CTNNA3: variants seen among roughly 807,000 people sequenced by gnomAD.
CTNNA3 encodes catenin alpha 3, also known as catenin alpha-3.
A neutral mutation model predicts 95.7 loss-of-function variants in CTNNA3; 76 were observed. The observed-to-expected ratio is 0.79, with a 90% CI of 0.66 to 0.96. The LOEUF is 0.96. Among genes scored for constraint, CTNNA3 ranks in the 40% least tolerant of loss-of-function variants. CTNNA3 has a pLI of 0.00. For synonymous variants in CTNNA3, 431 were observed against 374.4 expected (o/e 1.15, Z -1.74); for missense variants, 1,191 against 1,089.8 (o/e 1.09, Z -1.31).
chr10:66,488,807 C>CA (rs1163609146), intron 11 of CTNNA3, among the ~76,000 whole-genome samples: 1 of 150,802 alleles, frequency 6.6e-6, no homozygotes, highest in Non-Finnish European at 1.5e-5. Context: ...CATGCCTCTC[C>CA]AAAAAAGCCT....
At chr10:67,201,505 G>A (rs1370557353) in intron 6 of CTNNA3, among the ~76,000 whole-genome samples, 3 of 151,748 alleles carry the variant, frequency 2.0e-5, no homozygotes, top group Non-Finnish European at 4.4e-5. Context: ...GGGTACATGT[G>A]CTTTCCATTT....
chr10:66,418,614 A>C (rs1197991338), intron 11 of CTNNA3, among the ~76,000 whole-genome samples: 1 of 150,190 alleles, frequency 6.7e-6, no homozygotes, highest in African/African-American at 2.5e-5. Flanking sequence ...TGATAAACAT[A>C]AACACAAAAA....
At chr10:67,520,669 AATGT>A (rs1211265009) in intron 5 of CTNNA3, among the ~76,000 whole-genome samples, 1 of 152,208 alleles carries the variant, frequency 6.6e-6, no homozygotes, top group Non-Finnish European at 1.5e-5. Flanking sequence ...CTGCAAAAAG[AATGT>A]ATTTGCCCTG....
chr10:66,464,096 G>A (rs556006788), intron 11 of CTNNA3, among the ~76,000 whole-genome samples: 4 of 152,038 alleles, frequency 2.6e-5, no homozygotes, highest in Admixed American at 6.6e-5. Context: ...CAAGAGTTAC[G>A]GGAAAGGGAA....
chr10:66,723,059 C>T (rs1378529062), intron 9 of CTNNA3, among the ~76,000 whole-genome samples: 1 of 151,524 alleles, frequency 6.6e-6, no homozygotes, highest in Non-Finnish European at 1.5e-5. Context: ...TTCTTAGCCA[C>T]CTTGTTGGTT....
intron 9 of CTNNA3, among the ~76,000 whole-genome samples, chr10:66,651,816 C>T (rs1435314124): frequency 1.0e-4 from 3 of 29,270 alleles, no homozygotes; most frequent in Middle Eastern, 0.015. Flanking sequence ...TTCCCACCCG[C>T]GCCTCTCCCT....
chr10:66,267,232 C>T (rs774975548), intron 13 of CTNNA3, among the ~76,000 whole-genome samples: 1 of 152,006 alleles, frequency 6.6e-6, no homozygotes, highest in Non-Finnish European at 1.5e-5. Context: ...TTTAACTCTG[C>T]TTATGTTTCT....
At chr10:66,254,164 C>T (rs2090667026) in intron 13 of CTNNA3, among the ~76,000 whole-genome samples, 1 of 152,108 alleles carries the variant, frequency 6.6e-6, no homozygotes, top group African/African-American at 2.4e-5. Flanking sequence ...AGGATGAAGG[C>T]ATCTTGTTCG....
chr10:67,644,849 A>G (rs1056199995), intron 2 of CTNNA3, among the ~76,000 whole-genome samples: 8 of 152,160 alleles, frequency 5.3e-5, no homozygotes, highest in Non-Finnish European at 8.8e-5. Flanking sequence ...ATACCAAAGT[A>G]CTTTTAAGAA....
intron 15 of CTNNA3, among the ~76,000 whole-genome samples, chr10:65,992,760 A>G (rs1379803044): frequency 6.6e-6 from 1 of 151,588 alleles, no homozygotes; most frequent in Admixed American, 6.6e-5. Context: ...TATCTTTATT[A>G]CTTATTTTCT....
At chr10:66,630,692 T>A (rs993730945) in intron 9 of CTNNA3, among the ~76,000 whole-genome samples, 1 of 152,180 alleles carries the variant, frequency 6.6e-6, no homozygotes, top group Non-Finnish European at 1.5e-5. Flanking sequence ...TGGCACCGAA[T>A]GACCTCTGGC....
intron 7 of CTNNA3, among the ~76,000 whole-genome samples, chr10:66,812,823 C>G (rs1307422601): frequency 6.6e-6 from 1 of 152,096 alleles, no homozygotes; most frequent in Non-Finnish European, 1.5e-5. Flanking sequence ...GCAAATTTAT[C>G]ACAATTTTTT....
intron 7 of CTNNA3, among the ~76,000 whole-genome samples, chr10:67,050,223 A>C (rs901732023): frequency 1.3e-5 from 2 of 152,238 alleles, no homozygotes; most frequent in African/African-American, 4.8e-5. Context: ...AGAGGAAAGC[A>C]TTATTCCCAA....
At chr10:66,686,595 C>T (rs1340579269) in intron 9 of CTNNA3, among the ~76,000 whole-genome samples, 1 of 152,216 alleles carries the variant, frequency 6.6e-6, no homozygotes, top group Non-Finnish European at 1.5e-5. Flanking sequence ...CTATAGGCCT[C>T]TCTTTGAACC....
At chr10:67,623,990 T>A (rs1843938270) in intron 2 of CTNNA3, among the ~76,000 whole-genome samples, 1 of 151,952 alleles carries the variant, frequency 6.6e-6, no homozygotes, top group Non-Finnish European at 1.5e-5. Context: ...CCTGGCTAAT[T>A]TTTTGTATTT....
rs80049705 is a variant in CTNNA3 at position 66,797,422 on chromosome 10, A to G, written c.1048-21898T>C. On this transcript the variant is annotated intron_variant, in intron 7 of 17. Coordinates refer to ENST00000433211, the MANE Select transcript of CTNNA3 (RefSeq NM_013266.4). ...CAAAAGTAAGAAAAAAAAAAAAAAA[A>G]CCCACATTTAAATACTAACACTATT... Among the ~76,000 whole-genome samples, 429 of 148,870 alleles carry G rather than the reference A, an allele frequency of 2.9e-3. 14 individuals carry two copies. In the East Asian group the frequency reaches 0.072, roughly 25 times the overall value.
intron 12 of CTNNA3, among the ~76,000 whole-genome samples, chr10:66,358,222 C>G (rs2092626227): frequency 6.6e-6 from 1 of 152,114 alleles, no homozygotes. Flanking sequence ...TGAGTTTCAT[C>G]CCATACCCCT....
chr10:67,231,485 TAACA>T (rs1221700518), intron 5 of CTNNA3, among the ~76,000 whole-genome samples: 1 of 152,090 alleles, frequency 6.6e-6, no homozygotes, highest in Non-Finnish European at 1.5e-5. Flanking sequence ...GAAGGAAAAC[TAACA>T]AACAGAAAGG....
At chr10:67,051,456 CTTTTTTCTTTTTTT>C in intron 7 of CTNNA3, among the ~76,000 whole-genome samples, 1 of 101,220 alleles carries the variant, frequency 9.9e-6, no homozygotes, top group Middle Eastern at 8.3e-3. Flanking sequence ...TTTCTTTTTT[CTTTTTTCTTTTTTT>C]TTTTTTGGTG....
Sources: gnomAD v4.1 joint callset for allele counts (sites outside exome capture counted in the v4.1 genomes callset) on GRCh38, gnomAD v4.1.1 for gene constraint, MANE v1.5 for transcripts, NCBI Gene and HGNC (gene_info 2026-07-23, HGNC 2026-07-21) for gene names.